PLCB1: variants seen among roughly 807,000 people sequenced by gnomAD.
The protein encoded by PLCB1 is 1-phosphatidylinositol 4,5-bisphosphate phosphodiesterase beta-1.
A neutral mutation model predicts 161.8 loss-of-function variants in PLCB1; 46 were observed. The ratio of observed to expected loss-of-function variants is 0.28; its 90% CI spans 0.22 to 0.36. The LOEUF is 0.36. Among genes scored for constraint, PLCB1 ranks in the 10% least tolerant of loss-of-function variants. PLCB1 has a pLI of 1.00. For synonymous variants in PLCB1, 517 were observed against 503.7 expected (o/e 1.03, Z -0.35); for missense variants, 1,016 against 1,472.5 (o/e 0.69, Z 5.07).
intron 3 of PLCB1, among the ~76,000 whole-genome samples, chr20:8,603,233 T>A (rs1362776873): frequency 6.6e-6 from 1 of 152,166 alleles, no homozygotes; most frequent in Admixed American, 6.5e-5. Context: ...ACTTTAACTC[T>A]CTCTGAATGG....
intron 3 of PLCB1, among the ~76,000 whole-genome samples, chr20:8,559,894 C>CT (rs1463378362): frequency 2.6e-5 from 4 of 151,614 alleles, no homozygotes; most frequent in East Asian, 1.9e-4. Context: ...TGCAAATCCT[C>CT]TTTTTTTATA....
At chr20:8,455,328 C>CA (rs1237714702) in intron 3 of PLCB1, among the ~76,000 whole-genome samples, 44,719 of 98,336 alleles carry the variant, frequency 0.45, 8,101 homozygotes, top group African/African-American at 0.5. Flanking sequence ...AACTCCATCA[C>CA]AAAAAAAAAA....
intron 3 of PLCB1, among the ~76,000 whole-genome samples, chr20:8,420,782 C>G (rs1410834541): frequency 1.3e-5 from 2 of 152,164 alleles, no homozygotes; most frequent in African/African-American, 4.8e-5. Context: ...AGTAGCTAAA[C>G]AAGAATGTCA....
At chr20:8,245,813 A>C (rs535815070) in intron 2 of PLCB1, among the ~76,000 whole-genome samples, 1 of 152,092 alleles carries the variant, frequency 6.6e-6, no homozygotes, top group African/African-American at 2.4e-5. Flanking sequence ...CACTGTTCTA[A>C]GGTCTTTTCA....
At chr20:8,471,316 A>G (rs536885370) in intron 3 of PLCB1, among the ~76,000 whole-genome samples, 86 of 152,306 alleles carry the variant, frequency 5.6e-4, no homozygotes, top group African/African-American at 2.0e-3. Flanking sequence ...AGGACTGTAC[A>G]TGAAAATAAA....
chr20:8,162,761 A>T lies in PLCB1; in HGVS notation c.177+12390A>T, dbSNP rs527745766. ...ATGCTTAAGTGAAAAGTTTTATGGG[A>T]CAGAGCTAGTTGCTATGCTAAGAAA... On this transcript the variant is annotated intron_variant, in intron 2 of 31. Transcript: ENST00000338037. Among the ~76,000 whole-genome samples the T allele has an allele frequency of 2.6e-5, 4 of 152,358 alleles. No individual in the cohort carries two copies. In the South Asian group the frequency reaches 8.3e-4, roughly 32 times the overall value.
intron 3 of PLCB1, among the ~76,000 whole-genome samples, chr20:8,572,406 A>G (rs956241538): frequency 3.3e-5 from 5 of 152,222 alleles, no homozygotes; most frequent in African/African-American, 1.2e-4. Context: ...GAAATAACAC[A>G]TAATGATTAG....
At chr20:8,508,584 C>G (rs1181543582) in intron 3 of PLCB1, among the ~76,000 whole-genome samples, 21 of 152,082 alleles carry the variant, frequency 1.4e-4, no homozygotes, top group Admixed American at 1.4e-3. Flanking sequence ...AGAGATACAA[C>G]CTTTGACCAA....
intron 7 of PLCB1, chr20:8,649,653 T>G: frequency 1.8e-6 from 1 of 544,792 alleles, no homozygotes. Context: ...AGACCTGAGC[T>G]AGCATGTTCT....
chr20:8,712,866 TTG>T (rs1179129928), intron 12 of PLCB1, among the ~76,000 whole-genome samples: 1 of 152,212 alleles, frequency 6.6e-6, no homozygotes, highest in Non-Finnish European at 1.5e-5. Context: ...CAAAATGCAT[TTG>T]TGATTTTTTT....
chr20:8,402,450 A>G (rs1034105930), intron 3 of PLCB1, among the ~76,000 whole-genome samples: 1 of 152,082 alleles, frequency 6.6e-6, no homozygotes, highest in African/African-American at 2.4e-5. Flanking sequence ...TGGAGCTTTT[A>G]TTTACATTTC....
At chr20:8,660,303 G>A (rs774370939) in intron 9 of PLCB1, among the ~76,000 whole-genome samples, 1 of 152,072 alleles carries the variant, frequency 6.6e-6, no homozygotes, top group African/African-American at 2.4e-5. Flanking sequence ...TTATCATGAA[G>A]CAGGGAACAT....
intron 2 of PLCB1, among the ~76,000 whole-genome samples, chr20:8,215,618 T>A (rs1979078091): frequency 6.6e-6 from 1 of 152,056 alleles, no homozygotes; most frequent in Non-Finnish European, 1.5e-5. Context: ...AGTTTGAGGC[T>A]AAGGCTAGGT....
intron 1 of PLCB1, among the ~76,000 whole-genome samples, chr20:8,140,047 C>T (rs1256548521): frequency 1.3e-5 from 2 of 152,218 alleles, no homozygotes; most frequent in Admixed American, 6.5e-5. Context: ...TCTTCAGTGT[C>T]TCTGAGAGGC....
Position 8,371,387 on chromosome 20 carries a change from A to C in PLCB1, c.183A>C (p.Thr61=). The change falls in exon 3 of 32, where the codon ACA becomes ACC. Residue 61 remains threonine, a synonymous_variant. Transcript: ENST00000338037. ...TTCACGTTTTTGCCTTCCAGGAGAC[A>C]GAGCTACTGGATCTCAGCCTTGTCA... ...FFYWTDQNKE[T]ELLDLSLVKD... 6.2e-7 allele frequency: 1 copy of C among 1,611,836 alleles called. No individual in the cohort carries two copies. Among genetic ancestry groups the C allele is most frequent in the Non-Finnish European group, 8.5e-7 (1 of 1,178,484 alleles).
At chr20:8,535,202 C>CAAAAAAAAAAAAA (rs11323420) in intron 3 of PLCB1, among the ~76,000 whole-genome samples, 3 of 52,804 alleles carry the variant, frequency 5.7e-5, no homozygotes, top group Non-Finnish European at 7.0e-5. Flanking sequence ...AGTTTATGGG[C>CAAAAAAAAAAAAA]AAAAAAAAAA....
chr20:8,753,984 C>G (rs1306251122), intron 23 of PLCB1, among the ~76,000 whole-genome samples: 1 of 152,166 alleles, frequency 6.6e-6, no homozygotes, highest in Non-Finnish European at 1.5e-5. Flanking sequence ...AAGAGTGACA[C>G]AGTCCACTCT....
chr20:8,402,701 C>T (rs1978610697), intron 3 of PLCB1, among the ~76,000 whole-genome samples: 1 of 150,750 alleles, frequency 6.6e-6, no homozygotes, highest in South Asian at 2.1e-4. Context: ...AAAAATTAGC[C>T]AGGCGTGGTG....
At chr20:8,217,141 T>G (rs1979177786) in intron 2 of PLCB1, among the ~76,000 whole-genome samples, 1 of 152,104 alleles carries the variant, frequency 6.6e-6, no homozygotes, top group Non-Finnish European at 1.5e-5. Flanking sequence ...AGTTATTCCT[T>G]ATTCACATCT....
Sources: gnomAD v4.1 joint callset for allele counts (sites outside exome capture counted in the v4.1 genomes callset) on GRCh38, gnomAD v4.1.1 for gene constraint, MANE v1.5 for transcripts, NCBI Gene and HGNC (gene_info 2026-07-23, HGNC 2026-07-21) for gene names.